The following WDR37 variants were observed in gnomAD, a reference collection of about 807,000 sequenced individuals.
WDR37 encodes WD repeat domain 37.
Under a neutral mutation model 62.9 loss-of-function variants are expected in WDR37, and 19 were observed. That is an observed-to-expected ratio of 0.30 (90% CI 0.21 to 0.44). The LOEUF is 0.44. WDR37 is among the 20% of genes least tolerant of loss of function. The pLI, the probability that WDR37 is intolerant of heterozygous loss-of-function variation, is 1.00. For missense variants in WDR37, 474 were observed against 657.6 expected, an observed-to-expected ratio of 0.72 and a Z score of 3.05; for synonymous variants, 250 against 260.9, an observed-to-expected ratio of 0.96 and a Z score of 0.40.
rs1435888749 is a variant in WDR37, at chr10:1,103,729, T to C, written c.854T>C (p.Ile285Thr). The C allele has an allele frequency of 6.2e-7, 1 of 1,614,240 alleles. No homozygotes were observed. The highest frequency in any genetic ancestry group is 8.5e-7 in the Non-Finnish European group (1 of 1,180,044). ...TSLKSHQGVV[I>T]ASDWLVGGKQ... ...CTCAAGAGCCACCAGGGCGTGGTCATCGCCTCCGACTGGCTGGTTGGGGGG... is the reference window on the plus strand; with the variant it reads ...CTCAAGAGCCACCAGGGCGTGGTCACCGCCTCCGACTGGCTGGTTGGGGGG... Residue 285 changes from isoleucine (I) to threonine (T), a missense_variant, in exon 10 of 14, where the codon ATC becomes ACC. By Grantham distance (89) the Ile-to-Thr change is moderately conservative. Transcript: ENST00000263150. The surrounding 1 kb of genome is among the most constrained non-coding windows in gnomAD (Gnocchi z 6.3).
intron 1 of WDR37, among the ~76,000 whole-genome samples, chr10:1,059,238 TG>T (rs1348694035): frequency 6.6e-6 from 1 of 152,138 alleles, no homozygotes; most frequent in African/African-American, 2.4e-5. Flanking sequence ...CAGCTGGGCA[TG>T]GTGGCGGGCA....
chr10:1,112,476 A>C (rs1835248169), intron 11 of WDR37, among the ~76,000 whole-genome samples: 1 of 152,172 alleles, frequency 6.6e-6, no homozygotes, highest in South Asian at 2.1e-4. Flanking sequence ...GCAGCCTCTC[A>C]GTGTTGAAAT....
At chr10:1,120,885 A>C (rs1461099072) in intron 11 of WDR37, among the ~76,000 whole-genome samples, 1 of 152,166 alleles carries the variant, frequency 6.6e-6, no homozygotes, top group African/African-American at 2.4e-5. Flanking sequence ...TGTTCATCCT[A>C]ATGAGGATGC....
chr10:1,097,918 C>T (rs777677989), intron 9 of WDR37, among the ~76,000 whole-genome samples: 5 of 152,180 alleles, frequency 3.3e-5, no homozygotes, highest in South Asian at 4.1e-4. Flanking sequence ...TCAGGGTGGG[C>T]GAATCGCACT....
chr10:1,067,443 A>C (rs1833588230), intron 1 of WDR37, among the ~76,000 whole-genome samples: 1 of 152,226 alleles, frequency 6.6e-6, no homozygotes, highest in Admixed American at 6.5e-5. Context: ...ATCAACATTA[A>C]AGAAGTGTTG....
chr10:1,073,151 A>C (rs907195932), intron 2 of WDR37, among the ~76,000 whole-genome samples: 1 of 152,222 alleles, frequency 6.6e-6, no homozygotes, highest in Non-Finnish European at 1.5e-5. Flanking sequence ...GAGTGTTGTG[A>C]AGTCTAGACG....
chr10:1,112,806 G>A (rs890892654), intron 11 of WDR37, among the ~76,000 whole-genome samples: 4 of 152,202 alleles, frequency 2.6e-5, no homozygotes, highest in Admixed American at 2.0e-4. Flanking sequence ...AAAGGTGAGG[G>A]AGCTGCGGAA....
At chr10:1,090,101 G>T (rs970164331) in intron 7 of WDR37, among the ~76,000 whole-genome samples, 1 of 151,888 alleles carries the variant, frequency 6.6e-6, no homozygotes, top group African/African-American at 2.4e-5. Flanking sequence ...CGAGTAGCTG[G>T]GATTATAGGT....
At chr10:1,102,170 G>A (rs953277256) in intron 9 of WDR37, among the ~76,000 whole-genome samples, 4 of 150,424 alleles carry the variant, frequency 2.7e-5, no homozygotes, top group Admixed American at 1.3e-4. Context: ...TCCCTGTGAC[G>A]TGTTCTCGTG....
At chr10:1,086,944 C>A (rs979384923) in intron 7 of WDR37, among the ~76,000 whole-genome samples, 3 of 152,252 alleles carry the variant, frequency 2.0e-5, no homozygotes, top group Admixed American at 6.5e-5. Flanking sequence ...GCAGTGCCCT[C>A]TTCACTTGCT....
intron 13 of WDR37, among the ~76,000 whole-genome samples, chr10:1,126,154 G>A (rs534174238): frequency 6.6e-6 from 1 of 152,076 alleles, no homozygotes; most frequent in Admixed American, 6.5e-5. Context: ...GCCTGTAATC[G>A]TAGCACTTTG....
chr10:1,101,737 C>T (rs879352318), intron 9 of WDR37, among the ~76,000 whole-genome samples: 71 of 152,134 alleles, frequency 4.7e-4, no homozygotes, highest in Non-Finnish European at 1.2e-4. Context: ...AGCTGTTCCG[C>T]ACATGGCGGG....
rs1834313321 is a variant in WDR37 at position 1,089,584 on chromosome 10, TAATTCAGCCTTCCCGTGCTCACCCAC to T, written c.604+3234_604+3259del. Among the ~76,000 whole-genome samples the T allele has an allele frequency of 2.0e-5, 3 of 152,150 alleles. No individual in the cohort carries two copies. In the South Asian group the frequency reaches 6.2e-4, roughly 32 times the overall value. On this transcript the variant is annotated intron_variant, in intron 7 of 13. Transcript: ENST00000263150. Reference sequence around the variant, plus strand: ...TTGGCTTTCCGTTCTTCACGCAGGTTAATTCAGCCTTCCCGTGCTCACCCACAATTCAACCTTCCCATGCTCACCCA... The same window carrying T: ...TTGGCTTTCCGTTCTTCACGCAGGTTAATTCAACCTTCCCATGCTCACCCA...
chr10:1,102,887 C>A (rs905886542), intron 9 of WDR37, among the ~76,000 whole-genome samples: 32 of 152,228 alleles, frequency 2.1e-4, no homozygotes, highest in Non-Finnish European at 4.1e-4. Context: ...GGGGCTTTAC[C>A]AGGGGTCCTC....
intron 11 of WDR37, among the ~76,000 whole-genome samples, chr10:1,109,697 GAAACTCC>G (rs1030774294): frequency 6.6e-6 from 1 of 152,042 alleles, no homozygotes; most frequent in African/African-American, 2.4e-5. Flanking sequence ...GGCAATGAGC[GAAACTCC>G]AAACTCCGTC....
intron 9 of WDR37, among the ~76,000 whole-genome samples, chr10:1,100,636 C>T (rs1016849438): frequency 2.6e-5 from 4 of 152,308 alleles, no homozygotes; most frequent in Middle Eastern, 3.4e-3. Context: ...GTTTGGGTGG[C>T]GTAGTGGAAA....
intron 8 of WDR37, among the ~76,000 whole-genome samples, chr10:1,093,983 G>A (rs929903651): frequency 1.3e-5 from 2 of 152,176 alleles, no homozygotes; most frequent in African/African-American, 2.4e-5. Context: ...TTTTAAAAAC[G>A]TGCCTTCCTT....
chr10:1,103,115 T>G lies in WDR37; in HGVS notation c.727-487T>G, dbSNP rs574276620. On this transcript the variant is annotated intron_variant, in intron 9 of 13. Coordinates refer to ENST00000263150, the MANE Select transcript of WDR37 (RefSeq NM_014023.4). The surrounding 1 kb of genome is among the most constrained non-coding windows in gnomAD (Gnocchi z 6.3). ...TTAGCCTTGGCCTTTGACAGGGGGC[T>G]TGATGTTACAAAGGAAAATAGACTC... 3.3e-5 allele frequency among the ~76,000 whole-genome samples: 5 copies of G among 152,314 alleles called. No individual in the cohort carries two copies. Among genetic ancestry groups the G allele is most frequent in the African/African-American group, 9.6e-5 (4 of 41,574 alleles).
At chr10:1,075,685 C>T (rs908392468) in intron 2 of WDR37, among the ~76,000 whole-genome samples, 1 of 151,518 alleles carries the variant, frequency 6.6e-6, no homozygotes, top group Admixed American at 6.6e-5. Context: ...GGGATGTTCA[C>T]AGAGTGGGAA....
Sources: allele counts gnomAD v4.1 joint callset (sites outside exome capture counted in the v4.1 genomes callset), GRCh38; gene constraint gnomAD v4.1.1; non-coding constraint Gnocchi (gnomAD v3.1); transcripts MANE v1.5; gene names NCBI Gene and HGNC (gene_info 2026-07-23, HGNC 2026-07-21).